Variants in DPP10 observed in about 807,000 individuals in gnomAD.
DPP10 encodes inactive dipeptidyl peptidase 10.
DPP10 carries 33 observed loss-of-function variants against 120.9 expected under a neutral mutation model. The observed-to-expected ratio is 0.27, with a 90% CI of 0.21 to 0.37. The LOEUF (loss-of-function observed/expected upper bound fraction) is 0.37. Ranked by LOEUF, DPP10 falls within the 10% of genes least tolerant of loss-of-function variation. DPP10 has a pLI of 1.00. For synonymous variants in DPP10, 337 were observed against 326.1 expected (o/e 1.03, Z -0.36); for missense variants, 816 against 942.8 (o/e 0.87, Z 1.76).
intron 1 of DPP10, among the ~76,000 whole-genome samples, chr2:115,220,379 C>A: frequency 6.8e-6 from 1 of 147,946 alleles, no homozygotes; most frequent in Non-Finnish European, 1.5e-5. Context: ...TTCCGTGTGA[C>A]CTTACGAAAG....
At chr2:115,085,544 C>T (rs1573552282) in intron 1 of DPP10, among the ~76,000 whole-genome samples, 1 of 152,240 alleles carries the variant, frequency 6.6e-6, no homozygotes, top group Non-Finnish European at 1.5e-5. Flanking sequence ...TAAAAGGAAA[C>T]ATTTTAATAA....
chr2:114,537,398 TTG>T (rs2104779105), intron 1 of DPP10, among the ~76,000 whole-genome samples: 1 of 152,274 alleles, frequency 6.6e-6, no homozygotes, highest in Admixed American at 6.5e-5. Context: ...ACAGTTGTTC[TTG>T]TGTGTGTAAG....
chr2:115,379,089 C>T (rs911024839), intron 3 of DPP10, among the ~76,000 whole-genome samples: 2 of 152,152 alleles, frequency 1.3e-5, no homozygotes, highest in South Asian at 2.1e-4. Context: ...GGAGGATTCC[C>T]TCTTTTTCTA....
chr2:114,924,790 CAAAA>C (rs966367801), intron 1 of DPP10, among the ~76,000 whole-genome samples: 1 of 151,484 alleles, frequency 6.6e-6, no homozygotes, highest in African/African-American at 2.4e-5. Flanking sequence ...AAAAAAAAGA[CAAAA>C]AAACAAAAAA....
chr2:114,891,380 C>T (rs1237414136), intron 1 of DPP10, among the ~76,000 whole-genome samples: 2 of 152,318 alleles, frequency 1.3e-5, no homozygotes, highest in Non-Finnish European at 2.9e-5. Context: ...AAAGATAATT[C>T]TGGCTGTCTT....
chr2:115,402,854 A>AAATATATAT lies in DPP10; in HGVS notation c.271+58943_271+58944insATATATATA, dbSNP rs1476901026. ...AGGACACTACAAGGAAAAAAAAAAAAATATATATATATATATATATATGTG... is the reference window on the plus strand; with the variant it reads ...AGGACACTACAAGGAAAAAAAAAAAAAATATATATATATATATATATATATATATATGTG... On this transcript the variant is annotated intron_variant, in intron 3 of 25. Transcript: ENST00000410059. 8.9e-4 allele frequency among the ~76,000 whole-genome samples: 87 copies of AAATATATAT among 97,644 alleles called. 1 individual carries two copies. Among genetic ancestry groups the AAATATATAT allele is most frequent in the South Asian group, 4.9e-3 (14 of 2,876 alleles). The allele number at this position is 97,644 out of a possible 152,430, so 64.1% of individuals were successfully genotyped here.
At chr2:114,965,148 T>C (rs1698912861) in intron 1 of DPP10, among the ~76,000 whole-genome samples, 1 of 152,036 alleles carries the variant, frequency 6.6e-6, no homozygotes, top group East Asian at 1.9e-4. Flanking sequence ...TCTTTCTTTC[T>C]TTTTTTTGGA....
chr2:114,648,722 C>G (rs977966636), intron 1 of DPP10, among the ~76,000 whole-genome samples: 1 of 152,160 alleles, frequency 6.6e-6, no homozygotes, highest in Non-Finnish European at 1.5e-5. Flanking sequence ...GGTCTAGATA[C>G]TTAAAGTCCA....
At chr2:115,010,992 A>G (rs1015249910) in intron 1 of DPP10, among the ~76,000 whole-genome samples, 2 of 152,220 alleles carry the variant, frequency 1.3e-5, no homozygotes, top group African/African-American at 2.4e-5. Flanking sequence ...TGTCTTTTCA[A>G]TCAGTTTAAC....
intron 1 of DPP10, among the ~76,000 whole-genome samples, chr2:115,277,315 T>A (rs572203576): frequency 6.6e-6 from 1 of 152,226 alleles, no homozygotes; most frequent in East Asian, 1.9e-4. Flanking sequence ...GCAATGGCAA[T>A]GAATAACCTT....
intron 1 of DPP10, among the ~76,000 whole-genome samples, chr2:115,194,626 G>T (rs1342314772): frequency 6.6e-6 from 1 of 152,158 alleles, no homozygotes; most frequent in African/African-American, 2.4e-5. Flanking sequence ...AAACGAAGGG[G>T]TTTGGCCCGT....
chr2:114,640,696 T>C (rs1695643216), intron 1 of DPP10, among the ~76,000 whole-genome samples: 1 of 151,924 alleles, frequency 6.6e-6, no homozygotes, highest in Non-Finnish European at 1.5e-5. Context: ...TTTGATTGTC[T>C]TTCTACCAGT....
chr2:115,678,357 C>T lies in DPP10; in HGVS notation c.442-11330C>T, dbSNP rs982295144. 8.5e-5 allele frequency among the ~76,000 whole-genome samples: 13 copies of T among 152,242 alleles called. No individual in the cohort carries two copies. The South Asian group carries it at 1.2e-3, about 15-fold the overall frequency. On this transcript the variant is annotated intron_variant, in intron 5 of 25. Coordinates refer to ENST00000410059, the MANE Select transcript of DPP10 (RefSeq NM_020868.6). ...GCCTTGGGACTTGGTGCCCTACTTT[C>T]CAGCTGCTCCTGCCATGCTAAAAGG...
intron 1 of DPP10, among the ~76,000 whole-genome samples, chr2:114,620,887 G>A (rs556932603): frequency 6.6e-6 from 1 of 152,102 alleles, no homozygotes; most frequent in Non-Finnish European, 1.5e-5. Context: ...TCTTTTGACA[G>A]TAACTACATG....
At position 115,365,356 on chromosome 2, in the gene DPP10, C is replaced by G. The variant is rs552223065; in HGVS notation, c.271+21444C>G. On this transcript the variant is annotated intron_variant, in intron 3 of 25. Coordinates refer to ENST00000410059, the MANE Select transcript of DPP10 (RefSeq NM_020868.6). Reference sequence around the variant, plus strand: ...AATAATTTGGACTCTCACAGAGGAACATTTTCAAGTTATGGTTTAGGTGGG... The same window carrying G: ...AATAATTTGGACTCTCACAGAGGAAGATTTTCAAGTTATGGTTTAGGTGGG... Among the ~76,000 whole-genome samples, 6 of 152,006 alleles carry G rather than the reference C, an allele frequency of 3.9e-5. No individual in the cohort carries two copies. The South Asian group carries it at 1.2e-3, about 32-fold the overall frequency.
intron 1 of DPP10, among the ~76,000 whole-genome samples, chr2:114,605,619 G>A (rs1363097246): frequency 6.6e-6 from 1 of 152,060 alleles, no homozygotes; most frequent in African/African-American, 2.4e-5. Flanking sequence ...GGAGTCAAAA[G>A]TTGTACTCAG....
intron 3 of DPP10, among the ~76,000 whole-genome samples, chr2:115,366,587 C>A (rs778481638): frequency 6.6e-6 from 1 of 151,930 alleles, no homozygotes; most frequent in African/African-American, 2.4e-5. Context: ...GCTTATCTAC[C>A]GAGTCCTTAG....
intron 12 of DPP10, 113 bp downstream of exon 12, chr2:115,762,723 C>T (rs1279169488): frequency 8.5e-7 from 1 of 1,177,284 alleles, no homozygotes; most frequent in Admixed American, 2.0e-5. Context: ...CTAGGTTTGA[C>T]AGAGTGATCC....
At chr2:114,753,928 A>AG (rs1679486236) in intron 1 of DPP10, among the ~76,000 whole-genome samples, 1 of 150,512 alleles carries the variant, frequency 6.6e-6, no homozygotes, top group Non-Finnish European at 1.5e-5. Context: ...AAAAAAAAAA[A>AG]AAAAGAAAAG....
Sources: gnomAD v4.1 joint callset for allele counts (sites outside exome capture counted in the v4.1 genomes callset) on GRCh38, gnomAD v4.1.1 for gene constraint, MANE v1.5 for transcripts, NCBI Gene and HGNC (gene_info 2026-07-23, HGNC 2026-07-21) for gene names.